The following MACROD2 variants were observed in gnomAD, a reference collection of about 807,000 sequenced individuals.
The protein encoded by MACROD2 is mono-ADP ribosylhydrolase 2.
A neutral mutation model predicts 70.4 loss-of-function variants in MACROD2; 36 were observed. The observed-to-expected ratio is 0.51, with a 90% CI of 0.39 to 0.68. The LOEUF is 0.68. Ranked by LOEUF, MACROD2 falls within the 30% of genes least tolerant of loss-of-function variation. The probability of loss-of-function intolerance (pLI) is 0.00; values close to 1 mark genes in which losing one functional copy is unlikely to be tolerated. For missense variants in MACROD2, 496 were observed against 538.4 expected, an observed-to-expected ratio of 0.92 and a Z score of 0.78; for synonymous variants, 172 against 178.8, an observed-to-expected ratio of 0.96 and a Z score of 0.30.
At chr20:15,330,646 A>G (rs565047679) in intron 6 of MACROD2, among the ~76,000 whole-genome samples, 9 of 151,790 alleles carry the variant, frequency 5.9e-5, no homozygotes, top group Non-Finnish European at 2.9e-5. Context: ...AAAATGTGCC[A>G]AAGCTAATTC....
rs1193498998 is a variant in MACROD2, at chr20:14,059,549, G to T, written c.164-26072G>T. 2.0e-5 allele frequency among the ~76,000 whole-genome samples: 3 copies of T among 152,164 alleles called. No homozygotes were observed. The East Asian group carries it at 5.8e-4, about 29-fold the overall frequency. On this transcript the variant is annotated intron_variant, in intron 2 of 17. Coordinates refer to ENST00000684519, the MANE Select transcript of MACROD2 (RefSeq NM_001351661.2). Reference sequence around the variant, plus strand: ...TTAAGGCTATGTTAGGTTGGTCAGAGAAGTCCTTTTTGAAGCAGCAATATA... The same window carrying T: ...TTAAGGCTATGTTAGGTTGGTCAGATAAGTCCTTTTTGAAGCAGCAATATA...
At chr20:14,262,166 A>G (rs1247929118) in intron 3 of MACROD2, among the ~76,000 whole-genome samples, 2 of 152,178 alleles carry the variant, frequency 1.3e-5, no homozygotes, top group South Asian at 2.1e-4. Flanking sequence ...GAATGGAGGG[A>G]AAGTTAGGCA....
intron 8 of MACROD2, among the ~76,000 whole-genome samples, chr20:15,572,881 G>A (rs1600610585): frequency 6.6e-6 from 1 of 152,038 alleles, no homozygotes; most frequent in Non-Finnish European, 1.5e-5. Context: ...GTAAATGCAA[G>A]TAAATCAATT....
chr20:15,262,408 A>G (rs922398470), intron 6 of MACROD2, among the ~76,000 whole-genome samples: 5 of 152,046 alleles, frequency 3.3e-5, no homozygotes, highest in Non-Finnish European at 5.9e-5. Context: ...ATAGTACTCC[A>G]TTGCGTATAT....
intron 5 of MACROD2, among the ~76,000 whole-genome samples, chr20:14,822,560 G>A (rs1211782263): frequency 6.6e-6 from 1 of 152,026 alleles, no homozygotes; most frequent in East Asian, 1.9e-4. Flanking sequence ...TAGTTATTAG[G>A]AAAACAATTG....
chr20:15,692,976 A>C (rs1484214653), intron 8 of MACROD2, among the ~76,000 whole-genome samples: 1 of 151,988 alleles, frequency 6.6e-6, no homozygotes, highest in Non-Finnish European at 1.5e-5. Flanking sequence ...AAAGTGTGGC[A>C]CTTCCCACTC....
chr20:15,750,344 TAAA>T (rs2051249746), intron 8 of MACROD2, among the ~76,000 whole-genome samples: 4 of 151,964 alleles, frequency 2.6e-5, no homozygotes, highest in African/African-American at 9.7e-5. Context: ...AAATACTTTT[TAAA>T]ACCCACAAGT....
chr20:15,799,027 T>C (rs1002287669), intron 8 of MACROD2, among the ~76,000 whole-genome samples: 1 of 149,652 alleles, frequency 6.7e-6, no homozygotes, highest in South Asian at 2.1e-4. Context: ...AGACCTTTAA[T>C]TTCTTTTGTG....
At chr20:14,893,599 A>C (rs1156370553) in intron 5 of MACROD2, 9 of 152,112 alleles carry the variant, frequency 5.9e-5, no homozygotes, top group Non-Finnish European at 1.2e-4. Context: ...TTGATAGATA[A>C]AAAATAATTT....
chr20:14,539,915 C>T (rs965074566), intron 4 of MACROD2, among the ~76,000 whole-genome samples: 1 of 152,056 alleles, frequency 6.6e-6, no homozygotes, highest in East Asian at 1.9e-4. Context: ...AGCTGTGGCC[C>T]GTTCCTGGAT....
At chr20:14,793,362 G>C (rs2072472621) in intron 5 of MACROD2, among the ~76,000 whole-genome samples, 1 of 151,910 alleles carries the variant, frequency 6.6e-6, no homozygotes, top group Non-Finnish European at 1.5e-5. Flanking sequence ...CATTTTGTTG[G>C]TGTAATTTAT....
intron 13 of MACROD2, among the ~76,000 whole-genome samples, chr20:15,982,500 G>T (rs1302198711): frequency 6.6e-6 from 1 of 152,102 alleles, no homozygotes; most frequent in East Asian, 1.9e-4. Flanking sequence ...CTGGAGCGGG[G>T]CTTGTCGTCT....
chr20:14,171,891 TG>T (rs1310066452), intron 3 of MACROD2, among the ~76,000 whole-genome samples: 1 of 152,198 alleles, frequency 6.6e-6, no homozygotes, highest in East Asian at 1.9e-4. Flanking sequence ...GTTTCTTTGT[TG>T]ACTTTCTGTC....
At position 14,162,958 on chromosome 20, in the gene MACROD2, C is replaced by T. The variant is rs531908470; in HGVS notation, c.271+77230C>T. On this transcript the variant is annotated intron_variant, in intron 3 of 17. Transcript: ENST00000684519. ...ATTTATATTCTTTGTTTCTTTCATT[C>T]TCTCTTATTGTTTATCTTTGTGGTT... Among the ~76,000 whole-genome samples the T allele has an allele frequency of 2.0e-5, 3 of 151,984 alleles. No individual in the cohort carries two copies. The South Asian group carries it at 6.2e-4, about 32-fold the overall frequency.
intron 5 of MACROD2, among the ~76,000 whole-genome samples, chr20:14,801,365 T>C (rs2122140669): frequency 6.6e-6 from 1 of 152,270 alleles, no homozygotes; most frequent in South Asian, 2.1e-4. Flanking sequence ...ATTTGTCCAC[T>C]TAGCATCTCA....
chr20:14,304,397 G>T (rs1470185636), intron 3 of MACROD2, among the ~76,000 whole-genome samples: 2 of 152,172 alleles, frequency 1.3e-5, no homozygotes, highest in Non-Finnish European at 2.9e-5. Context: ...AATGTCTAAT[G>T]AAGCCAACCA....
intron 5 of MACROD2, among the ~76,000 whole-genome samples, chr20:14,692,054 G>T (rs1031170685): frequency 1.1e-4 from 17 of 152,152 alleles, no homozygotes; most frequent in African/African-American, 3.9e-4. Context: ...GATGAATGTG[G>T]AAATAAGAAG....
intron 2 of MACROD2, among the ~76,000 whole-genome samples, chr20:14,085,387 T>C (rs2054064305): frequency 6.6e-6 from 1 of 152,112 alleles, no homozygotes; most frequent in African/African-American, 2.4e-5. Context: ...TGTTGACCAA[T>C]ATAACATGCT....
chr20:14,057,948 A>G (rs958892148), intron 2 of MACROD2, among the ~76,000 whole-genome samples: 3 of 152,238 alleles, frequency 2.0e-5, no homozygotes, highest in African/African-American at 7.2e-5. Flanking sequence ...ATGATTCCCT[A>G]TATAAAATTC....
Sources: allele counts gnomAD v4.1 joint callset (sites outside exome capture counted in the v4.1 genomes callset), GRCh38; gene constraint gnomAD v4.1.1; transcripts MANE v1.5; gene names NCBI Gene and HGNC (gene_info 2026-07-23, HGNC 2026-07-21).